The following HADHA variants were observed in gnomAD, a reference collection of about 807,000 sequenced individuals.
HADHA encodes trifunctional enzyme subunit alpha, mitochondrial.
In HADHA, 59 loss-of-function variants were observed where a neutral mutation model predicts 91.3. The ratio of observed to expected loss-of-function variants is 0.65; its 90% CI spans 0.52 to 0.80. HADHA has a LOEUF of 0.80. HADHA is among the 30% of genes least tolerant of loss of function. The pLI, the probability that HADHA is intolerant of heterozygous loss-of-function variation, is 0.00. For missense variants in HADHA, 800 were observed against 927.6 expected (o/e 0.86, Z 1.79); for synonymous variants, 320 against 338.9 (o/e 0.94, Z 0.61).
intron 7 of HADHA, among the ~76,000 whole-genome samples, chr2:26,228,997 G>A (rs1224979869): frequency 6.6e-6 from 1 of 152,094 alleles, no homozygotes; most frequent in African/African-American, 2.4e-5. Context: ...GATTGTGGCA[G>A]TGTTTACACA....
Position 26,193,775 on chromosome 2 carries a change from G to A in HADHA, c.1690-3C>T, listed in dbSNP as rs893811806. ...AGCTTCTTCGGGTCAACTCCTTCCT[G>A]AACAGGAAGCGATGCAGGGACCTCA... On this transcript the variant is annotated splice_polypyrimidine_tract_variant and splice_region_variant and intron_variant, in intron 16 of 19. Transcript: ENST00000380649. 6.2e-7 allele frequency: 1 copy of A among 1,613,674 alleles called. No homozygotes were observed. The highest frequency in any genetic ancestry group is 8.5e-7 in the Non-Finnish European group (1 of 1,179,590).
chr2:26,202,167 C>T (rs1242738409), intron 12 of HADHA, among the ~76,000 whole-genome samples: 2 of 152,154 alleles, frequency 1.3e-5, no homozygotes, highest in East Asian at 1.9e-4. Flanking sequence ...ACTTCCCACT[C>T]ATTACCTAGT....
chr2:26,204,280 AAACC>A (rs1669922895), intron 11 of HADHA, 84 bp from the exon 12 acceptor site: 1 of 1,188,302 alleles, frequency 8.4e-7, no homozygotes, highest in Admixed American at 1.7e-5. Context: ...GTTATTCAAT[AAACC>A]AACTAATGCA....
chr2:26,206,615 G>A (rs1052831003), intron 11 of HADHA, among the ~76,000 whole-genome samples: 1 of 152,116 alleles, frequency 6.6e-6, no homozygotes, highest in Non-Finnish European at 1.5e-5. Flanking sequence ...TTTTGGGGGG[G>A]TTCTTTGGTT....
intron 14 of HADHA, among the ~76,000 whole-genome samples, chr2:26,195,560 A>G (rs1669644431): frequency 7.3e-6 from 1 of 137,012 alleles, no homozygotes; most frequent in Non-Finnish European, 1.5e-5. Context: ...TATATTAATG[A>G]TACTGATGGT....
In HADHA at chr2:26,214,403, A is replaced by G. The variant is rs767788485; in HGVS notation, c.918+40T>C. 1.1e-6 allele frequency: 1 copy of G among 938,664 alleles called. No individual in the cohort carries two copies. Among genetic ancestry groups the G allele is most frequent in the South Asian group, 1.3e-5 (1 of 77,574 alleles). The allele number at this position is 938,664 out of a possible 1,614,324, so 58.1% of individuals were successfully genotyped here. A position where few individuals can be genotyped will look rare whatever the true frequency, so the allele number is the denominator to read the frequency against. On this transcript the variant is annotated intron_variant, in intron 9 of 19. Transcript: ENST00000380649. This position sits in a 1 kb window ranked among gnomAD's most constrained non-coding sequence, Gnocchi z 4.1. ...AAGGAGGAGTGATCTATATAAAGGAAGGAAATATGAGAAAAGTGGGAATAT... is the reference window on the plus strand; with the variant it reads ...AAGGAGGAGTGATCTATATAAAGGAGGGAAATATGAGAAAAGTGGGAATAT...
In HADHA at chr2:26,214,430, G is replaced by A; in HGVS notation, c.918+13C>T. The A allele has an allele frequency of 8.4e-7, 1 of 1,191,542 alleles. No homozygotes were observed. Among genetic ancestry groups the A allele is most frequent in the Non-Finnish European group, 1.3e-6 (1 of 795,574 alleles). The allele number at this position is 1,191,542 out of a possible 1,614,324, so 73.8% of individuals were successfully genotyped here. On this transcript the variant is annotated intron_variant, in intron 9 of 19. Transcript: ENST00000380649. This position sits in a 1 kb window ranked among gnomAD's most constrained non-coding sequence, Gnocchi z 4.1. ...GAAATATGAGAAAAGTGGGAATATT[G>A]GGTAAGACTCACATCAATTATTTTC...
intron 7 of HADHA, among the ~76,000 whole-genome samples, chr2:26,220,138 C>T (rs936278009): frequency 3.3e-5 from 5 of 152,158 alleles, no homozygotes; most frequent in African/African-American, 9.7e-5. Flanking sequence ...ACCCAAACTT[C>T]GCTGTGGTCC....
chr2:26,212,380 C>T (rs912330179), intron 10 of HADHA, 190 bp downstream of exon 10: 2 of 623,456 alleles, frequency 3.2e-6, no homozygotes, highest in Non-Finnish European at 5.9e-6. Context: ...AACCACCACG[C>T]CTGGCCCCAT....
rs1474133741 is a variant in HADHA at position 26,190,966 on chromosome 2, CA to C, written c.*283del. On this transcript the variant is annotated 3_prime_UTR_variant, in exon 20 of 20. Transcript: ENST00000380649. ...ACCCTGGCCTCTTGGGAGGAACAGG[CA>C]GAGAGGTGGCTTCAGATGGCTCTTG... 3.7e-6 allele frequency: 2 copies of C among 534,878 alleles called. No homozygotes were observed. The highest frequency in any genetic ancestry group is 3.8e-5 in the African/African-American group (2 of 52,642). The allele number at this position is 534,878 out of a possible 1,614,324, so 33.1% of individuals were successfully genotyped here. A position where few individuals can be genotyped will look rare whatever the true frequency, so the allele number is the denominator to read the frequency against.
intron 7 of HADHA, among the ~76,000 whole-genome samples, chr2:26,220,180 TG>T (rs1199968598): frequency 6.6e-6 from 1 of 152,196 alleles, no homozygotes; most frequent in Non-Finnish European, 1.5e-5. Flanking sequence ...TGAAGTCAAG[TG>T]ATCAATGGAG....
intron 12 of HADHA, 23 bp from the exon 13 acceptor site, chr2:26,201,343 T>G (rs1230803253): frequency 6.5e-7 from 1 of 1,541,888 alleles, no homozygotes; most frequent in Non-Finnish European, 9.0e-7. Context: ...CATTCCTAGT[T>G]AGATGGGAAG....
chr2:26,196,098 T>C (rs1669664635), intron 14 of HADHA, among the ~76,000 whole-genome samples: 1 of 152,256 alleles, frequency 6.6e-6, no homozygotes. Context: ...TTACCACTTA[T>C]TCCTTACATT....
At chr2:26,212,439 T>C (rs1273989619) in intron 10 of HADHA, 131 bp downstream of exon 10, 1 of 712,606 alleles carries the variant, frequency 1.4e-6, no homozygotes, top group Non-Finnish European at 2.6e-6. Flanking sequence ...TCATAAGAGA[T>C]GATAAGCACT....
intron 7 of HADHA, among the ~76,000 whole-genome samples, chr2:26,226,780 C>T (rs934150488): frequency 6.6e-6 from 1 of 150,772 alleles, no homozygotes; most frequent in Non-Finnish European, 1.5e-5. Flanking sequence ...TTTTAGATCC[C>T]ACACTAATAG....
rs552391762 is a variant in HADHA, at chr2:26,210,527, G to A, written c.976-638C>T. 5.8e-5 allele frequency: 9 copies of A among 154,556 alleles called. No individual in the cohort carries two copies. The highest frequency in any genetic ancestry group is 3.8e-4 in the East Asian group (2 of 5,244). The allele number at this position is 154,556 out of a possible 1,614,324, so 9.6% of individuals were successfully genotyped here. A position where few individuals can be genotyped will look rare whatever the true frequency, so the allele number is the denominator to read the frequency against. On this transcript the variant is annotated intron_variant, in intron 10 of 19. Transcript: ENST00000380649. This position sits in a 1 kb window ranked among gnomAD's most constrained non-coding sequence, Gnocchi z 4.0. ...GCCTGGCTAATTTTTTGTATCTGTA[G>A]TAGAGATGGGGTTTCACCGTGTTAG... is the stretch of plus-strand genomic sequence containing the variant.
chr2:26,231,091 G>A (rs1221835238), intron 6 of HADHA, among the ~76,000 whole-genome samples: 2 of 150,772 alleles, frequency 1.3e-5, no homozygotes, highest in Admixed American at 1.3e-4. Flanking sequence ...TCAAATACCA[G>A]CTATAGTTTA....
rs34898931 is a variant in HADHA, at chr2:26,192,219, TAA to T, written c.2000+89_2000+90del. ...ACATGTATCCCAGGACTTAAAGTAT[TAA>T]AAAAAAAAAAAAATGGAAGAGGGGC... is the stretch of plus-strand genomic sequence containing the variant. On this transcript the variant is annotated intron_variant, in intron 18 of 19. Coordinates refer to ENST00000380649, the MANE Select transcript of HADHA (RefSeq NM_000182.5). 9.7e-3 allele frequency: 6,291 copies of T among 650,158 alleles called. 1 individual carries two copies. The highest frequency in any genetic ancestry group is 0.015 in the Middle Eastern group (43 of 2,964). The allele number at this position is 650,158 out of a possible 1,614,324, so 40.3% of individuals were successfully genotyped here. A position where few individuals can be genotyped will look rare whatever the true frequency, so the allele number is the denominator to read the frequency against.
At chr2:26,215,935 G>C (rs1574615827) in intron 7 of HADHA, among the ~76,000 whole-genome samples, 1 of 152,238 alleles carries the variant, frequency 6.6e-6, no homozygotes, top group South Asian at 2.1e-4. Flanking sequence ...TCCACGCAAG[G>C]CCTCTGCCAG....
Sources: gnomAD v4.1 joint callset for allele counts (sites outside exome capture counted in the v4.1 genomes callset) on GRCh38, gnomAD v4.1.1 for gene constraint, Gnocchi (gnomAD v3.1) non-coding constraint, MANE v1.5 for transcripts, NCBI Gene and HGNC (gene_info 2026-07-23, HGNC 2026-07-21) for gene names.